The following ATP2C1 variants were observed in gnomAD, a reference collection of about 807,000 sequenced individuals.
ATP2C1 encodes the protein calcium-transporting ATPase type 2C member 1.
A neutral mutation model predicts 120.5 loss-of-function variants in ATP2C1; 31 were observed. The observed-to-expected ratio is 0.26, with a 90% CI of 0.19 to 0.35. The LOEUF is 0.35. Among genes scored for constraint, ATP2C1 ranks in the 10% least tolerant of loss-of-function variants. The pLI, the probability that ATP2C1 is intolerant of heterozygous loss-of-function variation, is 1.00. For synonymous variants in ATP2C1, 351 were observed against 358.7 expected (o/e 0.98, Z 0.24); for missense variants, 731 against 1,107.5 (o/e 0.66, Z 4.83).
At chr3:130,955,953 G>A (rs1463691824) in intron 10 of ATP2C1, 151 bp from the exon 11 acceptor site, 1 of 624,266 alleles carries the variant, frequency 1.6e-6, no homozygotes, top group Admixed American at 2.4e-5. Flanking sequence ...CTAAGTCTCA[G>A]TTTTCTCAGT....
chr3:130,985,495 T>G (rs995347326), intron 20 of ATP2C1, among the ~76,000 whole-genome samples: 1 of 151,968 alleles, frequency 6.6e-6, no homozygotes, highest in East Asian at 1.9e-4. Flanking sequence ...TAGCTGGGTG[T>G]GGTGGTGGGC....
chr3:130,938,077 C>T (rs2059745187), intron 6 of ATP2C1, among the ~76,000 whole-genome samples: 1 of 152,196 alleles, frequency 6.6e-6, no homozygotes, highest in South Asian at 2.1e-4. Context: ...ATTTCTCATT[C>T]CTCCACAAAA....
At chr3:130,994,719 A>G (rs1056424569) in intron 22 of ATP2C1, among the ~76,000 whole-genome samples, 3 of 152,070 alleles carry the variant, frequency 2.0e-5, no homozygotes, top group Non-Finnish European at 2.9e-5. Flanking sequence ...AATTCCAATT[A>G]TATGTTCCAG....
At chr3:130,980,521 TGAC>T (rs776493916) in intron 19 of ATP2C1, 58 bp from the exon 20 acceptor site, 8 of 1,203,278 alleles carry the variant, frequency 6.6e-6, no homozygotes, top group Non-Finnish European at 9.9e-6. Flanking sequence ...AGCATTACGT[TGAC>T]TAGCCTGTCA....
intron 9 of ATP2C1, among the ~76,000 whole-genome samples, chr3:130,954,229 T>G (rs1559968858): frequency 6.6e-6 from 1 of 152,184 alleles, no homozygotes. Context: ...AAACAGTGTT[T>G]TCATGGATGT....
chr3:131,008,740 A>G (rs537468881), intron 26 of ATP2C1, among the ~76,000 whole-genome samples: 4 of 152,300 alleles, frequency 2.6e-5, no homozygotes, highest in Admixed American at 2.6e-4. Context: ...ATTAGAAAGG[A>G]AGTACCATCA....
chr3:130,955,139 G>A lies in ATP2C1; in HGVS notation c.756+59G>A, dbSNP rs112092729. On this transcript the variant is annotated intron_variant, in intron 10 of 27. Coordinates refer to ENST00000510168, the MANE Select transcript of ATP2C1 (RefSeq NM_001378687.1). ...CCAAATCTGAAATTCTTCATTGTAAGTAGAGAATGTTGGATTATTTTATAT... is the reference window on the plus strand; with the variant it reads ...CCAAATCTGAAATTCTTCATTGTAAATAGAGAATGTTGGATTATTTTATAT... 1.7e-3 allele frequency: 1,937 copies of A among 1,145,180 alleles called. 29 individuals carry two copies. In the African/African-American group the frequency reaches 0.026, roughly 16 times the overall value. The allele number at this position is 1,145,180 out of a possible 1,614,324, so 70.9% of individuals were successfully genotyped here.
At chr3:130,937,262 C>T (rs1207950815) in intron 5 of ATP2C1, among the ~76,000 whole-genome samples, 166 bp from the exon 6 acceptor site, 1 of 152,238 alleles carries the variant, frequency 6.6e-6, no homozygotes, top group East Asian at 1.9e-4. Context: ...AAACTGTTAG[C>T]TTCTTTCCCC....
upstream of ATP2C1, among the ~76,000 whole-genome samples, chr3:130,893,611 G>A (rs2069282036): frequency 3.3e-5 from 5 of 152,230 alleles, no homozygotes; most frequent in Admixed American, 3.3e-4. Flanking sequence ...GATTGTGACT[G>A]CCACCCCGAC....
At position 131,000,948 on chromosome 3, in the gene ATP2C1, C is replaced by T. The variant is rs144002186; in HGVS notation, c.2630-272C>T. Among the ~76,000 whole-genome samples the T allele has an allele frequency of 3.3e-5, 5 of 151,740 alleles. No individual in the cohort carries two copies. The East Asian group carries it at 5.8e-4, about 18-fold the overall frequency. ...TGAAACCCCCTCTCTACTAAAAATACGAACATTAGCCAGGTATGATGGCAC... is the reference window on the plus strand; with the variant it reads ...TGAAACCCCCTCTCTACTAAAAATATGAACATTAGCCAGGTATGATGGCAC... On this transcript the variant is annotated intron_variant, in intron 27 of 27. Coordinates refer to ENST00000510168, the MANE Select transcript of ATP2C1 (RefSeq NM_001378687.1).
chr3:130,892,850 A>G (rs567063049), upstream of ATP2C1, among the ~76,000 whole-genome samples: 1 of 152,236 alleles, frequency 6.6e-6, no homozygotes, highest in South Asian at 2.1e-4. Context: ...GTCTAGTACC[A>G]CTTACTTGGG....
Position 130,975,478 on chromosome 3 carries a change from G to A in ATP2C1, c.1560G>A (p.Ala520=), listed in dbSNP as rs749054962. 2.5e-5 allele frequency: 41 copies of A among 1,613,470 alleles called. No homozygotes were observed. The highest frequency in any genetic ancestry group is 2.0e-4 in the South Asian group (18 of 91,070). The change falls in exon 18 of 28, where the codon GCG becomes GCA. Residue 520 remains alanine, a synonymous_variant. Transcript: ENST00000510168. ...YQQEKARMGS[A]GLRVLALASG... The stretch of plus-strand genomic sequence containing the variant: ...AAGAGAAGGCACGCATGGGCTCAGC[G>A]GGACTCAGAGGTAAGGCTATTTCAG...
At chr3:130,946,414 G>T (rs1382036244) in intron 8 of ATP2C1, among the ~76,000 whole-genome samples, 2 of 152,206 alleles carry the variant, frequency 1.3e-5, no homozygotes, top group Non-Finnish European at 2.9e-5. Flanking sequence ...GTTCTAAGGA[G>T]AAGTAAAAAC....
At chr3:130,941,163 C>T (rs149798689) in intron 7 of ATP2C1, among the ~76,000 whole-genome samples, 4,098 of 152,018 alleles carry the variant, frequency 0.027, 191 homozygotes, top group African/African-American at 0.093. Context: ...ATCTGCCCAC[C>T]TCGGCCTCCC....
chr3:130,991,456 T>C, intron 20 of ATP2C1, among the ~76,000 whole-genome samples: 1 of 152,086 alleles, frequency 6.6e-6, no homozygotes, highest in East Asian at 1.9e-4. Flanking sequence ...TAAGGAGCTC[T>C]GCTCCAAAAA....
At chr3:130,860,110 T>C (rs181977373) in intron 1 of ATP2C1, among the ~76,000 whole-genome samples, 12 of 152,366 alleles carry the variant, frequency 7.9e-5, no homozygotes, top group African/African-American at 1.7e-4. Context: ...TAATGTATGA[T>C]TATTTTTCAT....
intron 8 of ATP2C1, 100 bp from the exon 9 acceptor site, chr3:130,953,721 G>C: frequency 8.0e-7 from 1 of 1,251,214 alleles, no homozygotes; most frequent in Non-Finnish European, 1.2e-6. Context: ...GCTAATCAAT[G>C]GAAAAGGGAT....
intron 2 of ATP2C1, among the ~76,000 whole-genome samples, chr3:130,913,845 C>T (rs932955162): frequency 3.3e-5 from 5 of 152,100 alleles, no homozygotes; most frequent in African/African-American, 7.2e-5. Flanking sequence ...CACAATGGTT[C>T]GGTTCCTGGC....
At position 130,907,487 on chromosome 3, in the gene ATP2C1, G is replaced by C. The variant is rs77697571; in HGVS notation, c.6+12712G>C. Among the ~76,000 whole-genome samples, 713 of 152,102 alleles carry C rather than the reference G, an allele frequency of 4.7e-3. 5 individuals are homozygous for C. Among genetic ancestry groups the C allele is most frequent in the African/African-American group, 0.016 (650 of 41,532 alleles). On this transcript the variant is annotated intron_variant, in intron 2 of 27. Coordinates refer to ENST00000510168, the MANE Select transcript of ATP2C1 (RefSeq NM_001378687.1). Reference sequence around the variant, plus strand: ...GGGCCCACCTTCATTCTTTTGCATAGAATATCCAGTTATCCCAATACTGTT... The same window carrying C: ...GGGCCCACCTTCATTCTTTTGCATACAATATCCAGTTATCCCAATACTGTT...
Sources: allele counts gnomAD v4.1 joint callset (sites outside exome capture counted in the v4.1 genomes callset), GRCh38; gene constraint gnomAD v4.1.1; transcripts MANE v1.5; gene names NCBI Gene and HGNC (gene_info 2026-07-23, HGNC 2026-07-21).